Variants in GPC5 observed in about 807,000 individuals in gnomAD.
GPC5 encodes the protein glypican-5.
Under a neutral mutation model 53.9 loss-of-function variants are expected in GPC5, and 47 were observed. The observed-to-expected ratio is 0.87, with a 90% CI of 0.69 to 1.11. The LOEUF (loss-of-function observed/expected upper bound fraction) is 1.11. Ranked by LOEUF, GPC5 falls within the 50% of genes most tolerant of loss-of-function variation. The probability of loss-of-function intolerance (pLI) is 0.00; values close to 1 mark genes in which losing one functional copy is unlikely to be tolerated. For synonymous variants in GPC5, 286 were observed against 263.3 expected, an observed-to-expected ratio of 1.09 and a Z score of -0.84; for missense variants, 748 against 713.1, an observed-to-expected ratio of 1.05 and a Z score of -0.56.
intron 6 of GPC5, among the ~76,000 whole-genome samples, chr13:92,096,679 A>G (rs1034933951): frequency 6.6e-6 from 1 of 152,198 alleles, no homozygotes; most frequent in Non-Finnish European, 1.5e-5. Context: ...ATATGAGGAC[A>G]AAGCACTCAC....
rs367796690 is a variant in GPC5 at position 91,434,502 on chromosome 13, A to G, written c.164-14259A>G. Among the ~76,000 whole-genome samples the G allele has an allele frequency of 1.0e-3, 152 of 152,282 alleles. 2 individuals are homozygous for G. In the South Asian group the frequency reaches 0.023, roughly 23 times the overall value. ...GTTTTTGTCAGGTTTGTCAAAGATC[A>G]GATGGTTGTAGATGTGTGTTGTTAT... On this transcript the variant is annotated intron_variant, in intron 1 of 7. Coordinates refer to ENST00000377067, the MANE Select transcript of GPC5 (RefSeq NM_004466.6).
At chr13:92,332,577 T>C (rs2043295569) in intron 7 of GPC5, among the ~76,000 whole-genome samples, 1 of 152,144 alleles carries the variant, frequency 6.6e-6, no homozygotes, top group Non-Finnish European at 1.5e-5. Context: ...AATAATAGCA[T>C]AATGTACAAT....
intron 7 of GPC5, among the ~76,000 whole-genome samples, chr13:92,479,192 C>T (rs185785083): frequency 5.9e-4 from 90 of 152,236 alleles, no homozygotes; most frequent in African/African-American, 1.7e-3. Flanking sequence ...GTTTAACATA[C>T]TTCATCTGTG....
intron 6 of GPC5, among the ~76,000 whole-genome samples, chr13:91,963,873 C>G (rs1033100001): frequency 6.6e-6 from 1 of 152,102 alleles, no homozygotes; most frequent in African/African-American, 2.4e-5. Context: ...TTTCTTCGTA[C>G]AAGATGTGAT....
chr13:92,369,909 C>T (rs1466328756), intron 7 of GPC5, among the ~76,000 whole-genome samples: 1 of 152,158 alleles, frequency 6.6e-6, no homozygotes, highest in Non-Finnish European at 1.5e-5. Flanking sequence ...GGAAAGTCAA[C>T]AAATAGTTAA....
intron 6 of GPC5, among the ~76,000 whole-genome samples, chr13:91,944,318 G>T (rs995268039): frequency 2.6e-5 from 4 of 151,988 alleles, no homozygotes; most frequent in African/African-American, 9.7e-5. Flanking sequence ...GGATGGTCTC[G>T]ATCTCCTGAC....
At chr13:91,403,090 TG>T (rs1387291656) in intron 1 of GPC5, among the ~76,000 whole-genome samples, 2 of 152,208 alleles carry the variant, frequency 1.3e-5, no homozygotes, top group Non-Finnish European at 2.9e-5. Context: ...AATCTGAAAT[TG>T]CGACTCTATT....
intron 2 of GPC5, among the ~76,000 whole-genome samples, chr13:91,548,461 GA>G (rs1411505298): frequency 2.0e-5 from 3 of 152,082 alleles, no homozygotes; most frequent in Admixed American, 6.6e-5. Flanking sequence ...ATAAATCAAA[GA>G]ACTAAATTAA....
chr13:91,857,504 A>G (rs1447119833), intron 5 of GPC5, among the ~76,000 whole-genome samples: 1 of 150,998 alleles, frequency 6.6e-6, no homozygotes, highest in Non-Finnish European at 1.5e-5. Flanking sequence ...TATTGGTCTT[A>G]TGTCTTGTTT....
At chr13:92,166,521 C>T (rs1415684389) in intron 7 of GPC5, among the ~76,000 whole-genome samples, 1 of 151,816 alleles carries the variant, frequency 6.6e-6, no homozygotes, top group African/African-American at 2.4e-5. Context: ...CAGATAAAGA[C>T]CACCGGAGAA....
chr13:91,825,189 T>C (rs1156420854), intron 5 of GPC5, among the ~76,000 whole-genome samples: 3 of 150,364 alleles, frequency 2.0e-5, no homozygotes, highest in Non-Finnish European at 4.4e-5. Flanking sequence ...GAAGAGAAAA[T>C]AGAGAATATC....
intron 7 of GPC5, among the ~76,000 whole-genome samples, chr13:92,165,865 A>G (rs2042023878): frequency 6.6e-6 from 1 of 152,188 alleles, no homozygotes; most frequent in South Asian, 2.1e-4. Context: ...AATATTGCCA[A>G]TTTTTGGCAC....
intron 7 of GPC5, among the ~76,000 whole-genome samples, chr13:92,662,102 T>G (rs1314480749): frequency 6.6e-6 from 1 of 152,170 alleles, no homozygotes; most frequent in African/African-American, 2.4e-5. Context: ...TGACTCCCAT[T>G]ACATCTAGAG....
intron 2 of GPC5, among the ~76,000 whole-genome samples, chr13:91,556,101 C>A (rs143218394): frequency 2.6e-5 from 4 of 151,998 alleles, no homozygotes; most frequent in Admixed American, 6.6e-5. Flanking sequence ...TGACCCCTGG[C>A]AACCACTACT....
At chr13:92,655,647 C>T (rs187464768) in intron 7 of GPC5, among the ~76,000 whole-genome samples, 1 of 152,242 alleles carries the variant, frequency 6.6e-6, no homozygotes, top group East Asian at 1.9e-4. Flanking sequence ...GTTCGGTTGC[C>T]ACTTTTGGAG....
intron 7 of GPC5, among the ~76,000 whole-genome samples, chr13:92,214,152 C>T (rs1251776869): frequency 6.6e-6 from 1 of 152,132 alleles, no homozygotes; most frequent in Non-Finnish European, 1.5e-5. Flanking sequence ...CATAGCAATA[C>T]CCTCTGTCCT....
rs750008632 is a variant in GPC5, at chr13:91,770,468, C to T, written c.1280+14048C>T. 3.3e-5 allele frequency among the ~76,000 whole-genome samples: 5 copies of T among 152,086 alleles called. No individual in the cohort carries two copies. In the East Asian group the frequency reaches 9.7e-4, roughly 29 times the overall value. On this transcript the variant is annotated intron_variant, in intron 5 of 7. Transcript: ENST00000377067. ...TTTGGTTTTTCTGGTGACCAGCCCC[C>T]ATCCAAGAGGCCATCAGAAATTATC...
At chr13:92,024,041 T>C (rs2040781254) in intron 6 of GPC5, among the ~76,000 whole-genome samples, 1 of 152,138 alleles carries the variant, frequency 6.6e-6, no homozygotes, top group African/African-American at 2.4e-5. Flanking sequence ...CACAGGATTA[T>C]ATGTGTCTTA....
At chr13:92,090,894 T>G (rs1375303372) in intron 6 of GPC5, among the ~76,000 whole-genome samples, 1 of 152,222 alleles carries the variant, frequency 6.6e-6, no homozygotes. Flanking sequence ...CATGTGCATC[T>G]CCATGATGGG....
Sources: gnomAD v4.1 joint callset for allele counts (sites outside exome capture counted in the v4.1 genomes callset) on GRCh38, gnomAD v4.1.1 for gene constraint, MANE v1.5 for transcripts, NCBI Gene and HGNC (gene_info 2026-07-23, HGNC 2026-07-21) for gene names.